MEGF9: variants seen among roughly 807,000 people sequenced by gnomAD.
The protein encoded by MEGF9 is multiple epidermal growth factor-like domains protein 9.
MEGF9 carries 6 observed loss-of-function variants against 46.8 expected under a neutral mutation model. The observed-to-expected ratio is 0.13, with a 90% CI of 0.07 to 0.25. The LOEUF is 0.25. Among genes scored for constraint, MEGF9 ranks in the 10% least tolerant of loss-of-function variants. MEGF9 has a pLI of 1.00. For synonymous variants in MEGF9, 302 were observed against 330.7 expected (o/e 0.91, Z 0.94); for missense variants, 683 against 792.4 (o/e 0.86, Z 1.66).
rs925279052 is a variant in MEGF9, at chr9:120,604,834, C to A, written c.*356G>T. Reference sequence around the variant, plus strand: ...GAAGTCTTCCAGCAGTCTTTTCCCCCTCCACATTCATCATCTTGTTACCAC... The same window carrying A: ...GAAGTCTTCCAGCAGTCTTTTCCCCATCCACATTCATCATCTTGTTACCAC... On this transcript the variant is annotated 3_prime_UTR_variant, in exon 6 of 6. Transcript: ENST00000373930. 1 of 229,896 alleles carries A rather than the reference C, an allele frequency of 4.3e-6. No homozygotes were observed. Among genetic ancestry groups the A allele is most frequent in the Non-Finnish European group, 8.6e-6 (1 of 116,644 alleles). 14.2% of individuals were successfully genotyped at this position (229,896 alleles called of 1,614,324 possible). A position where few individuals can be genotyped will look rare whatever the true frequency, so the allele number is the denominator to read the frequency against.
intron 2 of MEGF9, among the ~76,000 whole-genome samples, chr9:120,629,226 A>G (rs2043540187): frequency 6.6e-6 from 1 of 152,124 alleles, no homozygotes; most frequent in Non-Finnish European, 1.5e-5. Flanking sequence ...GCAATCCTTC[A>G]GCCTTGTTCT....
Position 120,603,698 on chromosome 9 carries a change from G to T in MEGF9, c.*1492C>A, listed in dbSNP as rs1330540506. ...AAAATGTCAATATCATAATAAACGAGAGCAACAGTAGTTGGCCTCTAGGAA... is the reference window on the plus strand; with the variant it reads ...AAAATGTCAATATCATAATAAACGATAGCAACAGTAGTTGGCCTCTAGGAA... On this transcript the variant is annotated 3_prime_UTR_variant, in exon 6 of 6. Coordinates refer to ENST00000373930, the MANE Select transcript of MEGF9 (RefSeq NM_001080497.3). 1 of 152,106 alleles carries T rather than the reference G, an allele frequency of 6.6e-6. No homozygotes were observed. The highest frequency in any genetic ancestry group is 6.6e-5 in the Admixed American group (1 of 15,260). 9.4% of individuals were successfully genotyped at this position (152,106 alleles called of 1,614,324 possible). A position where few individuals can be genotyped will look rare whatever the true frequency, so the allele number is the denominator to read the frequency against.
chr9:120,607,827 T>C lies in MEGF9; in HGVS notation c.1271A>G (p.Asn424Ser), dbSNP rs370511162. The C allele has an allele frequency of 3.0e-5, 48 of 1,613,914 alleles. No homozygotes were observed. The Admixed American group carries it at 3.3e-4, about 11-fold the overall frequency. ...ICKPESGECI[N>S]CLHNTTGFWC... Reference sequence around the variant, plus strand: ...AAACCCAGTGGTGTTATGGAGGCAGTTGATGCACTCACCACTCTCGGGCTT... The same window carrying C: ...AAACCCAGTGGTGTTATGGAGGCAGCTGATGCACTCACCACTCTCGGGCTT... The change falls in exon 5 of 6, where the codon AAC becomes AGC. Residue 424 changes from asparagine (N) to serine (S), a missense_variant. Transcript: ENST00000373930.
intron 3 of MEGF9, among the ~76,000 whole-genome samples, chr9:120,617,407 C>T (rs1240155390): frequency 6.6e-6 from 1 of 152,128 alleles, no homozygotes; most frequent in Non-Finnish European, 1.5e-5. Context: ...GGAAGAAATG[C>T]CTTACCCTCT....
intron 1 of MEGF9, among the ~76,000 whole-genome samples, chr9:120,679,836 G>A (rs758400324): frequency 6.6e-6 from 1 of 151,628 alleles, no homozygotes; most frequent in Admixed American, 6.6e-5. Context: ...TACTCAGGAG[G>A]CTGAGGCAGG....
chr9:120,699,483 T>C (rs979635357), intron 1 of MEGF9, among the ~76,000 whole-genome samples: 1 of 151,814 alleles, frequency 6.6e-6, no homozygotes, highest in Non-Finnish European at 1.5e-5. Context: ...TTTGTGAGGC[T>C]GCGATAGGAA....
chr9:120,613,589 GA>G (rs750905168), intron 3 of MEGF9, among the ~76,000 whole-genome samples: 1 of 151,556 alleles, frequency 6.6e-6, no homozygotes, highest in African/African-American at 2.4e-5. Context: ...ATAAAGAAAA[GA>G]AAAAAACAAA....
At chr9:120,620,528 G>GA (rs945498723) in intron 3 of MEGF9, among the ~76,000 whole-genome samples, 1 of 152,092 alleles carries the variant, frequency 6.6e-6, no homozygotes, top group African/African-American at 2.4e-5. Flanking sequence ...AAAGTGCTAT[G>GA]AAAAAATACA....
At chr9:120,675,323 A>G (rs1354023891) in intron 1 of MEGF9, among the ~76,000 whole-genome samples, 3 of 152,206 alleles carry the variant, frequency 2.0e-5, no homozygotes, top group African/African-American at 7.2e-5. Context: ...GCAGTGGGTC[A>G]TATCTGTAAT....
rs557613530 is a variant in MEGF9, at chr9:120,626,941, A to T, written c.804-4186T>A. On this transcript the variant is annotated intron_variant, in intron 2 of 5. Transcript: ENST00000373930. ...AGCAACTATGGACATGATGACAGTG[A>T]TCCTAGATCTTAAATATTTTCTGAG... Among the ~76,000 whole-genome samples, 89 of 152,346 alleles carry T rather than the reference A, an allele frequency of 5.8e-4. 1 individual carries two copies. The highest frequency in any genetic ancestry group is 3.4e-3 in the Middle Eastern group (1 of 294).
At chr9:120,687,827 T>C (rs1162123354) in intron 1 of MEGF9, among the ~76,000 whole-genome samples, 1 of 150,620 alleles carries the variant, frequency 6.6e-6, no homozygotes, top group African/African-American at 2.4e-5. Flanking sequence ...TCATATTTAA[T>C]ATTTTATCTC....
At chr9:120,667,567 A>C (rs1053189733) in intron 1 of MEGF9, among the ~76,000 whole-genome samples, 11 of 152,230 alleles carry the variant, frequency 7.2e-5, no homozygotes, top group Non-Finnish European at 1.5e-4. Flanking sequence ...AATCTATCTA[A>C]TCTATCCAAC....
chr9:120,669,057 T>C lies in MEGF9; in HGVS notation c.602-9482A>G, dbSNP rs555770387. Among the ~76,000 whole-genome samples, 4 of 152,326 alleles carry C rather than the reference T, an allele frequency of 2.6e-5. No homozygotes were observed. The South Asian group carries it at 8.3e-4, about 32-fold the overall frequency. On this transcript the variant is annotated intron_variant, in intron 1 of 5. Transcript: ENST00000373930. ...TGTGGCTAATTCTTTTCATCTATCATGAAAAATAATTAAAGGTCAAATTAT... is the reference window on the plus strand; with the variant it reads ...TGTGGCTAATTCTTTTCATCTATCACGAAAAATAATTAAAGGTCAAATTAT...
At chr9:120,627,797 G>A (rs940520878) in intron 2 of MEGF9, among the ~76,000 whole-genome samples, 9 of 152,026 alleles carry the variant, frequency 5.9e-5, no homozygotes, top group Admixed American at 5.9e-4. Flanking sequence ...ATTCATTTGT[G>A]GTCATTTGGG....
At chr9:120,625,442 T>C (rs369375262) in intron 2 of MEGF9, among the ~76,000 whole-genome samples, 4 of 152,086 alleles carry the variant, frequency 2.6e-5, no homozygotes, top group African/African-American at 4.8e-5. Context: ...TCACAGGGAA[T>C]TGAAGCCATC....
chr9:120,654,458 T>A (rs889670662), intron 2 of MEGF9, among the ~76,000 whole-genome samples: 1 of 152,192 alleles, frequency 6.6e-6, no homozygotes, highest in Non-Finnish European at 1.5e-5. Flanking sequence ...CCTAGTGAGA[T>A]CATAGCTGTG....
chr9:120,658,632 A>G (rs1046672317), intron 2 of MEGF9, among the ~76,000 whole-genome samples: 2 of 152,228 alleles, frequency 1.3e-5, no homozygotes, highest in Non-Finnish European at 2.9e-5. Context: ...GGTTACACTG[A>G]GTATAACCTG....
intron 3 of MEGF9, among the ~76,000 whole-genome samples, chr9:120,615,304 C>CGTGT (rs2043467296): frequency 6.8e-6 from 1 of 147,526 alleles, no homozygotes; most frequent in Non-Finnish European, 1.5e-5. Context: ...TGTGTACACA[C>CGTGT]ACACACACAT....
intron 1 of MEGF9, among the ~76,000 whole-genome samples, chr9:120,688,161 ACACACACACG>A (rs1240808503): frequency 3.8e-4 from 55 of 146,102 alleles, no homozygotes; most frequent in African/African-American, 1.4e-3. Context: ...ACACACACAC[ACACACACACG>A]CACGCACACA....
Sources: gnomAD v4.1 joint callset for allele counts (sites outside exome capture counted in the v4.1 genomes callset) on GRCh38, gnomAD v4.1.1 for gene constraint, MANE v1.5 for transcripts, NCBI Gene and HGNC (gene_info 2026-07-23, HGNC 2026-07-21) for gene names.